Variants in UBA2 observed in about 807,000 individuals in gnomAD.
UBA2 encodes the protein ubiquitin like modifier activating enzyme 2.
A neutral mutation model predicts 77.2 loss-of-function variants in UBA2; 11 were observed. The observed-to-expected ratio is 0.14, with a 90% confidence interval of 0.09 to 0.24. The LOEUF (loss-of-function observed/expected upper bound fraction) is 0.24, where lower values mean the gene tolerates loss of function less well. Among genes scored for constraint, UBA2 ranks in the 10% least tolerant of loss-of-function variants. The pLI, the probability that UBA2 is intolerant of heterozygous loss-of-function variation, is 1.00. For synonymous variants in UBA2, 278 were observed against 276.7 expected (o/e 1.00, Z -0.05); for missense variants, 487 against 781.7 (o/e 0.62, Z 4.50).
chr19:34,438,774 T>A lies in UBA2; in HGVS notation c.581+8T>A. 6.2e-7 allele frequency: 1 copy of A among 1,612,128 alleles called. No individual in the cohort carries two copies. ...GGCAAAGTACTTGTTCAAGTAAGAG[T>A]GTATATTTCTTGGCATGCTTTTCGG... is the stretch of plus-strand genomic sequence containing the variant. On this transcript the variant is annotated splice_region_variant and intron_variant, in intron 6 of 16. Coordinates refer to ENST00000246548, the MANE Select transcript of UBA2 (RefSeq NM_005499.3).
At position 34,446,608 on chromosome 19, in the gene UBA2, C is replaced by CT. The variant is rs764109454; in HGVS notation, c.771+1490dup. On this transcript the variant is annotated intron_variant, in intron 8 of 16. Transcript: ENST00000246548. ...ATGTCACATGTTGACTTTTTTTTTT[C>CT]TTTCTTTTTTTTTTTTTTTGAGAGA... Among the ~76,000 whole-genome samples, 725 of 145,134 alleles carry CT rather than the reference C, an allele frequency of 5.0e-3. 23 individuals are homozygous for CT. The highest frequency in any genetic ancestry group is 0.016 in the African/African-American group (587 of 37,380).
Position 34,454,507 on chromosome 19 carries a change from T to C in UBA2, c.1196T>C (p.Val399Ala). ...TTNAVIAGLIVLEGLKILSGK... is the reference protein window; with the variant it reads ...TTNAVIAGLIALEGLKILSGK... Reference sequence around the variant, plus strand: ...AATGCAGTAATTGCTGGGTTGATAGTATTGGAAGGATTGAAGATTTTATCA... The same window carrying C: ...AATGCAGTAATTGCTGGGTTGATAGCATTGGAAGGATTGAAGATTTTATCA... Residue 399 changes from valine (V) to alanine (A), a missense_variant, in exon 12 of 17, where the codon GTA (valine) becomes GCA (alanine). Val to Ala is a moderately conservative substitution (Grantham distance 64). This residue lies in a region of UBA2 where 300 missense variants were observed against 454.3 expected (regional missense o/e 0.66). Coordinates refer to ENST00000246548, the MANE Select transcript of UBA2 (RefSeq NM_005499.3). The C allele has an allele frequency of 6.2e-7, 1 of 1,611,074 alleles. No homozygotes were observed. The highest frequency in any genetic ancestry group is 8.5e-7 in the Non-Finnish European group (1 of 1,178,706).
At chr19:34,445,631 T>C (rs1290692516) in intron 8 of UBA2, among the ~76,000 whole-genome samples, 1 of 152,022 alleles carries the variant, frequency 6.6e-6, no homozygotes, top group African/African-American at 2.4e-5. Flanking sequence ...AGAAGCGGGG[T>C]CTCACCATGT....
intron 1 of UBA2, chr19:34,428,966 C>T: frequency 1.0e-6 from 1 of 986,188 alleles, no homozygotes; most frequent in African/African-American, 1.7e-5. Context: ...TGTCGTAACT[C>T]CGAAGTAACG....
intron 3 of UBA2, among the ~76,000 whole-genome samples, chr19:34,432,995 G>C (rs1009436139): frequency 6.6e-6 from 1 of 152,176 alleles, no homozygotes; most frequent in Admixed American, 6.5e-5. Context: ...CTGATCATGT[G>C]AGGTGAAGTC....
chr19:34,460,604 G>A (rs1378715705), intron 14 of UBA2, 38 bp downstream of exon 14: 9 of 1,433,916 alleles, frequency 6.3e-6, no homozygotes, highest in African/African-American at 1.4e-5. Flanking sequence ...TCTCATTGAG[G>A]AGACTGCTTG....
intron 12 of UBA2, 59 bp from the exon 13 acceptor site, chr19:34,458,710 G>C: frequency 1.4e-6 from 2 of 1,471,360 alleles, no homozygotes; most frequent in Non-Finnish European, 1.8e-6. Context: ...ATTTTAGATT[G>C]TATGGCGTAT....
chr19:34,468,719 G>A (rs1041604412), intron 16 of UBA2, among the ~76,000 whole-genome samples: 4 of 152,174 alleles, frequency 2.6e-5, no homozygotes, highest in Non-Finnish European at 5.9e-5. Context: ...TGTTGCTATT[G>A]TTACCACTAC....
In UBA2 at chr19:34,459,583, T is replaced by A. The variant is rs2075608801; in HGVS notation, c.1401+659T>A. ...GCTGAAGCGAGGGAAGAAATGGGGG[T>A]TTAGGACATGGTCTGGTCCTTAAGT... On this transcript the variant is annotated intron_variant, in intron 13 of 16. Coordinates refer to ENST00000246548, the MANE Select transcript of UBA2 (RefSeq NM_005499.3). Among the ~76,000 whole-genome samples the A allele has an allele frequency of 3.3e-5, 5 of 152,194 alleles. No individual in the cohort carries two copies. In the South Asian group the frequency reaches 1.0e-3, roughly 32 times the overall value.
chr19:34,450,742 CTTTTTTTTT>C (rs59580124), intron 9 of UBA2, among the ~76,000 whole-genome samples: 1 of 83,402 alleles, frequency 1.2e-5, no homozygotes, highest in Non-Finnish European at 2.1e-5. Flanking sequence ...TTATGTATAT[CTTTTTTTTT>C]TTTTTTTTTT....
Position 34,428,829 on chromosome 19 carries a change from A to G in UBA2, c.138+259A>G, listed in dbSNP as rs971049309. The G allele has an allele frequency of 1.7e-5, 19 of 1,146,276 alleles. No individual in the cohort carries two copies. In the East Asian group the frequency reaches 6.7e-4, roughly 40 times the overall value. 71.0% of individuals were successfully genotyped at this position (1,146,276 alleles called of 1,614,324 possible). A position where few individuals can be genotyped will look rare whatever the true frequency, so the allele number is the denominator to read the frequency against. On this transcript the variant is annotated intron_variant, in intron 1 of 16. Coordinates refer to ENST00000246548, the MANE Select transcript of UBA2 (RefSeq NM_005499.3). ...GGGCCCCCGCCTCCCCGGCAGCGCC[A>G]ATGTGTGGCGCTTCGTGGGCGTGAA... is the stretch of plus-strand genomic sequence containing the variant.
At chr19:34,466,258 C>T (rs919729609) in intron 15 of UBA2, among the ~76,000 whole-genome samples, 2 of 152,008 alleles carry the variant, frequency 1.3e-5, no homozygotes, top group South Asian at 2.1e-4. Context: ...AGCTTGAAAA[C>T]CTGGGAGGTA....
chr19:34,441,480 ATAAAAT>A (rs1032660520), intron 6 of UBA2, among the ~76,000 whole-genome samples: 55 of 152,112 alleles, frequency 3.6e-4, no homozygotes, highest in African/African-American at 1.1e-3. Context: ...AAATAAATAG[ATAAAAT>A]TAAAAATAAA....
chr19:34,469,010 AT>A, intron 16 of UBA2, 29 bp from the exon 17 acceptor site: 1 of 1,573,406 alleles, frequency 6.4e-7, no homozygotes, highest in South Asian at 1.2e-5. Context: ...GCTTTTACCC[AT>A]TTTCTTTTTC....
At position 34,460,644 on chromosome 19, in the gene UBA2, G is replaced by GT. The variant is rs2075621089; in HGVS notation, c.1498+79dup. On this transcript the variant is annotated intron_variant, in intron 14 of 16. Transcript: ENST00000246548. The stretch of plus-strand genomic sequence containing the variant: ...GTGCACATTAGTTGATTCATTTACT[G>GT]TATGTGATACTCAGTATTGCAGAGA... 2.1e-5 allele frequency: 22 copies of GT among 1,046,196 alleles called. 1 individual carries two copies. The South Asian group carries it at 3.3e-4, about 16-fold the overall frequency. 64.8% of individuals were successfully genotyped at this position (1,046,196 alleles called of 1,614,324 possible).
intron 6 of UBA2, among the ~76,000 whole-genome samples, chr19:34,443,129 T>C (rs1434036009): frequency 3.3e-5 from 5 of 152,356 alleles, no homozygotes; most frequent in African/African-American, 1.2e-4. Flanking sequence ...TCTTGTTCAT[T>C]GCTGAATTTC....
Position 34,452,070 on chromosome 19 carries a change from C to G in UBA2, c.961C>G (p.Leu321Val), listed in dbSNP as rs1440101136. ...QVLDVKSYAR[L>V]FSKSIETLRV... ...TCTAGATGTAAAGAGCTATGCACGT[C>G]TTTTTTCAAAGAGCATCGAGACTTT... Residue 321 changes from leucine to valine, a missense_variant, in exon 10 of 17, where the codon CTT becomes GTT. By Grantham distance (32) the Leu-to-Val change is conservative. Around this residue, in one of 9 missense-constraint regions of UBA2, gnomAD observed 300 missense variants for 454.3 expected, o/e 0.66. Transcript: ENST00000246548. 1 of 1,611,022 alleles carries G rather than the reference C, an allele frequency of 6.2e-7. No individual in the cohort carries two copies. The highest frequency in any genetic ancestry group is 1.1e-5 in the South Asian group (1 of 90,764).
chr19:34,436,896 AGTT>A (rs1289923346), intron 5 of UBA2, among the ~76,000 whole-genome samples: 1 of 152,116 alleles, frequency 6.6e-6, no homozygotes, highest in Non-Finnish European at 1.5e-5. Flanking sequence ...GTGCGTATTA[AGTT>A]GTTGAATAAG....
chr19:34,459,832 C>T (rs16969328), intron 13 of UBA2, among the ~76,000 whole-genome samples: 6,087 of 152,140 alleles, frequency 0.04, 184 homozygotes, highest in Admixed American at 0.11. Context: ...TTAGGCAGGA[C>T]GGATTGATTT....
Sources: gnomAD v4.1 joint callset for allele counts (sites outside exome capture counted in the v4.1 genomes callset) on GRCh38, gnomAD v4.1.1 for gene constraint, gnomAD v4.1.1 regional missense constraint, MANE v1.5 for transcripts, NCBI Gene and HGNC (gene_info 2026-07-23, HGNC 2026-07-21) for gene names.